Variants in NMNAT2 observed in about 807,000 individuals in gnomAD.
NMNAT2 encodes the protein nicotinamide/nicotinic acid mononucleotide adenylyltransferase 2.
NMNAT2 carries 11 observed loss-of-function variants against 41.6 expected under a neutral mutation model. The ratio of observed to expected loss-of-function variants is 0.26; its 90% confidence interval spans 0.17 to 0.44. The LOEUF (loss-of-function observed/expected upper bound fraction) is 0.44, where lower values mean the gene tolerates loss of function less well. Among genes scored for constraint, NMNAT2 ranks in the 20% least tolerant of loss-of-function variants. The pLI is 1.00. For missense variants in NMNAT2, 288 were observed against 407.7 expected, an observed-to-expected ratio of 0.71 and a Z score of 2.53; for synonymous variants, 148 against 151.2, an observed-to-expected ratio of 0.98 and a Z score of 0.16.
At chr1:183,279,137 A>C (rs541162077) in intron 7 of NMNAT2, among the ~76,000 whole-genome samples, 59 of 152,276 alleles carry the variant, frequency 3.9e-4, no homozygotes, top group African/African-American at 1.4e-3. Context: ...CTGAGTGTAT[A>C]AAATGTGTCA....
intron 1 of NMNAT2, among the ~76,000 whole-genome samples, chr1:183,348,330 G>A (rs1250772404): frequency 6.6e-6 from 1 of 152,150 alleles, no homozygotes; most frequent in Non-Finnish European, 1.5e-5. Context: ...ACCATACTGG[G>A]AATAGAAGTA....
intron 1 of NMNAT2, among the ~76,000 whole-genome samples, chr1:183,322,571 G>C (rs1390108304): frequency 2.6e-5 from 4 of 152,142 alleles, no homozygotes; most frequent in Non-Finnish European, 5.9e-5. Flanking sequence ...CCAGCTGAGA[G>C]CTCCCACAGA....
intron 10 of NMNAT2, among the ~76,000 whole-genome samples, chr1:183,258,714 T>C (rs1317035233): frequency 6.6e-6 from 1 of 152,122 alleles, no homozygotes; most frequent in African/African-American, 2.4e-5. Flanking sequence ...GTTTGCAATA[T>C]TTTGTAGACC....
chr1:183,290,017 G>A (rs183535048), intron 4 of NMNAT2, 111 bp downstream of exon 4: 1 of 781,162 alleles, frequency 1.3e-6, no homozygotes, highest in African/African-American at 1.7e-5. Flanking sequence ...CTGAAAGCAG[G>A]TCGATAGGCC....
At chr1:183,371,108 C>G (rs1220564346) in intron 1 of NMNAT2, among the ~76,000 whole-genome samples, 1 of 152,190 alleles carries the variant, frequency 6.6e-6, no homozygotes, top group Non-Finnish European at 1.5e-5. Context: ...GTGGTATATG[C>G]GGACAGACTG....
intron 8 of NMNAT2, among the ~76,000 whole-genome samples, chr1:183,266,111 A>G (rs1660808081): frequency 6.6e-6 from 1 of 152,158 alleles, no homozygotes; most frequent in Non-Finnish European, 1.5e-5. Context: ...CTTGCCAACA[A>G]CTTGGTTTGG....
At chr1:183,398,960 G>A (rs932129431) in intron 1 of NMNAT2, among the ~76,000 whole-genome samples, 2 of 152,136 alleles carry the variant, frequency 1.3e-5, no homozygotes, top group Non-Finnish European at 2.9e-5. Flanking sequence ...CAGAAAGCAG[G>A]AAAGATCTAA....
intron 1 of NMNAT2, among the ~76,000 whole-genome samples, chr1:183,323,117 A>G (rs1439444241): frequency 6.6e-6 from 1 of 152,058 alleles, no homozygotes; most frequent in African/African-American, 2.4e-5. Context: ...TTCTTAATGG[A>G]GAAGGGGTTT....
chr1:183,343,444 C>G (rs1662861813), intron 1 of NMNAT2, among the ~76,000 whole-genome samples: 1 of 152,188 alleles, frequency 6.6e-6, no homozygotes, highest in South Asian at 2.1e-4. Context: ...CCAGTCATTA[C>G]ATTATACTAC....
intron 1 of NMNAT2, among the ~76,000 whole-genome samples, chr1:183,302,114 G>C (rs761133327): frequency 1.3e-5 from 2 of 152,108 alleles, no homozygotes; most frequent in African/African-American, 2.4e-5. Context: ...AAACTTTAAG[G>C]AATCATCCCT....
intron 4 of NMNAT2, among the ~76,000 whole-genome samples, chr1:183,287,195 G>C (rs1033303168): frequency 6.6e-6 from 1 of 152,148 alleles, no homozygotes; most frequent in Non-Finnish European, 1.5e-5. Flanking sequence ...GTCAGCAGCA[G>C]GCGATGCTGG....
intron 8 of NMNAT2, among the ~76,000 whole-genome samples, chr1:183,268,083 G>A (rs998001765): frequency 3.9e-5 from 6 of 152,124 alleles, no homozygotes; most frequent in Non-Finnish European, 7.4e-5. Context: ...ATGGGGAGAG[G>A]ATGTGGGAGG....
At chr1:183,306,027 C>T (rs963733702) in intron 1 of NMNAT2, among the ~76,000 whole-genome samples, 1 of 152,230 alleles carries the variant, frequency 6.6e-6, no homozygotes, top group Non-Finnish European at 1.5e-5. Context: ...CGGCCCTTTA[C>T]AGCTTTCTTA....
chr1:183,272,398 C>T (rs970290734), intron 8 of NMNAT2, among the ~76,000 whole-genome samples: 1 of 152,162 alleles, frequency 6.6e-6, no homozygotes, highest in Non-Finnish European at 1.5e-5. Context: ...ATCTTGATTT[C>T]CCATACAGCC....
intron 1 of NMNAT2, among the ~76,000 whole-genome samples, chr1:183,412,608 T>A (rs889315637): frequency 1.3e-4 from 20 of 152,200 alleles, no homozygotes; most frequent in Admixed American, 8.5e-4. Context: ...GCTATTGCAA[T>A]AATTCAAATG....
chr1:183,283,802 G>T, intron 7 of NMNAT2, 193 bp downstream of exon 7: 1 of 641,830 alleles, frequency 1.6e-6, no homozygotes, highest in South Asian at 1.6e-5. Context: ...GTTGGCTGGA[G>T]TCCAGTTAAG....
intron 1 of NMNAT2, among the ~76,000 whole-genome samples, chr1:183,331,350 C>T (rs535603989): frequency 3.0e-4 from 46 of 152,150 alleles, no homozygotes; most frequent in African/African-American, 1.1e-3. Flanking sequence ...GACTGGCTGA[C>T]GGGAGGCGAG....
chr1:183,360,326 C>G (rs1350682301), intron 1 of NMNAT2, among the ~76,000 whole-genome samples: 3 of 152,132 alleles, frequency 2.0e-5, no homozygotes, highest in African/African-American at 7.2e-5. Flanking sequence ...AAGATGGAAG[C>G]TGCACAGCCT....
chr1:183,408,799 T>C (rs1160018217), intron 1 of NMNAT2, among the ~76,000 whole-genome samples: 3 of 152,166 alleles, frequency 2.0e-5, no homozygotes, highest in Non-Finnish European at 4.4e-5. Context: ...AATGAAGCAA[T>C]TATGGCTTGA....
Sources: gnomAD v4.1 joint callset for allele counts (sites outside exome capture counted in the v4.1 genomes callset) on GRCh38, gnomAD v4.1.1 for gene constraint, MANE v1.5 for transcripts, NCBI Gene and HGNC (gene_info 2026-07-23, HGNC 2026-07-21) for gene names.